ZNF136: variants seen among roughly 807,000 people sequenced by gnomAD.
The protein encoded by ZNF136 is zinc finger protein 136 (clone pHZ-20).
A neutral mutation model predicts 11.4 loss-of-function variants in ZNF136; 8 were observed. That is an observed-to-expected ratio of 0.70 (90% CI 0.41 to 1.27). The LOEUF is 1.27. Ranked by LOEUF, ZNF136 falls within the 50% of genes most tolerant of loss-of-function variation. ZNF136 has a pLI of 0.01. For synonymous variants in ZNF136, 190 were observed against 207.1 expected (o/e 0.92, Z 0.71); for missense variants, 590 against 656.5 (o/e 0.90, Z 1.11).
At chr19:12,178,359 C>T (rs1914850548) in intron 1 of ZNF136, among the ~76,000 whole-genome samples, 1 of 152,176 alleles carries the variant, frequency 6.6e-6, no homozygotes, top group South Asian at 2.1e-4. Flanking sequence ...TGTTTATGTA[C>T]TCTTTCTGCA....
At position 12,187,133 on chromosome 19, in the gene ZNF136, A is replaced by C; in HGVS notation, c.755A>C (p.Tyr252Ser). 6.2e-7 allele frequency: 1 copy of C among 1,614,188 alleles called. No homozygotes were observed. Among genetic ancestry groups the C allele is most frequent in the Non-Finnish European group, 8.5e-7 (1 of 1,180,026 alleles). The change falls in exon 4 of 4, where the codon TAT becomes TCT. Residue 252 changes from tyrosine (Y) to serine (S), a missense_variant. Tyr to Ser is a moderately radical substitution (Grantham distance 144). Transcript: ENST00000343979. ...HMIKHTGDGP[Y>S]KCKVCGKPFH... ...ATAAAGCACACTGGAGATGGACCTT[A>C]TAAATGTAAGGTATGTGGGAAACCC...
At chr19:12,172,659 G>A (rs1251398849) in intron 1 of ZNF136, among the ~76,000 whole-genome samples, 3 of 152,178 alleles carry the variant, frequency 2.0e-5, no homozygotes, top group East Asian at 1.9e-4. Flanking sequence ...TAGGCAATTA[G>A]GTGAGACTCG....
intron 1 of ZNF136, 104 bp from the exon 2 acceptor site, chr19:12,185,681 G>A (rs190180860): frequency 1.5e-5 from 22 of 1,448,484 alleles, no homozygotes; most frequent in Non-Finnish European, 2.8e-6. Flanking sequence ...TGGAGTAAAT[G>A]TTTGCAGACC....
At chr19:12,171,982 T>C (rs1000495542) in intron 1 of ZNF136, among the ~76,000 whole-genome samples, 17 of 149,846 alleles carry the variant, frequency 1.1e-4, no homozygotes, top group African/African-American at 2.4e-4. Context: ...CTCTCTCTTT[T>C]TTTTTTTTTT....
chr19:12,171,935 G>A (rs1914663833), intron 1 of ZNF136, among the ~76,000 whole-genome samples: 1 of 149,934 alleles, frequency 6.7e-6, no homozygotes. Flanking sequence ...ATGAAAGTTT[G>A]CTACTTTTTA....
intron 1 of ZNF136, among the ~76,000 whole-genome samples, chr19:12,184,087 G>T (rs1360941380): frequency 6.6e-6 from 1 of 151,058 alleles, no homozygotes; most frequent in East Asian, 2.0e-4. Context: ...CCAACATGGT[G>T]AAACCCCATC....
chr19:12,163,262 C>G, intron 1 of ZNF136, 56 bp downstream of exon 1: 1 of 1,351,414 alleles, frequency 7.4e-7, no homozygotes, highest in African/African-American at 1.5e-5. Context: ...GTTGGACGAC[C>G]GGAACTGGCT....
intron 1 of ZNF136, chr19:12,163,662 C>G (rs1356792705): frequency 5.9e-6 from 1 of 169,350 alleles, no homozygotes; most frequent in African/African-American, 2.4e-5. Context: ...TGCAGTAAAT[C>G]CCCAAATTTC....
At position 12,187,401 on chromosome 19, in the gene ZNF136, T is replaced by C; in HGVS notation, c.1023T>C (p.Cys341=). 6.2e-7 allele frequency: 1 copy of C among 1,614,042 alleles called. No homozygotes were observed. Among genetic ancestry groups the C allele is most frequent in the South Asian group, 1.1e-5 (1 of 91,082 alleles). ...TGEKPFVCKQ[C]GKAFRSASTF... Reference sequence around the variant, plus strand: ...AGAAACCCTTCGTATGTAAACAATGTGGTAAAGCCTTTAGATCTGCCAGTA... The same window carrying C: ...AGAAACCCTTCGTATGTAAACAATGCGGTAAAGCCTTTAGATCTGCCAGTA... The change falls in exon 4 of 4, where the codon TGT becomes TGC. Residue 341 remains cysteine (C), a synonymous_variant. Transcript: ENST00000343979.
chr19:12,183,706 C>T (rs957346152), intron 1 of ZNF136, among the ~76,000 whole-genome samples: 1 of 152,084 alleles, frequency 6.6e-6, no homozygotes, highest in Non-Finnish European at 1.5e-5. Context: ...TCAAGCAGTC[C>T]TCTCACCTCA....
chr19:12,178,440 T>G (rs1914852321), intron 1 of ZNF136, among the ~76,000 whole-genome samples: 1 of 152,210 alleles, frequency 6.6e-6, no homozygotes, highest in African/African-American at 2.4e-5. Context: ...TTGTGGGTCT[T>G]TCCTATTATT....
chr19:12,188,240 C>G lies in ZNF136; in HGVS notation c.*239C>G, dbSNP rs1000475834. On this transcript the variant is annotated 3_prime_UTR_variant, in exon 4 of 4. Coordinates refer to ENST00000343979, the MANE Select transcript of ZNF136 (RefSeq NM_003437.5). ...AAACAAATGCTTTTTGGAAAGGAACCCATATTTGAGAGAAACCCTGGGTAA... is the reference window on the plus strand; with the variant it reads ...AAACAAATGCTTTTTGGAAAGGAACGCATATTTGAGAGAAACCCTGGGTAA... The G allele has an allele frequency of 2.7e-6, 1 of 364,514 alleles. No homozygotes were observed. Among genetic ancestry groups the G allele is most frequent in the Non-Finnish European group, 4.9e-6 (1 of 204,828 alleles). The allele number at this position is 364,514 out of a possible 1,614,324, so 22.6% of individuals were successfully genotyped here. A position where few individuals can be genotyped will look rare whatever the true frequency, so the allele number is the denominator to read the frequency against.
At chr19:12,174,642 CTTT>C (rs760697645) in intron 1 of ZNF136, among the ~76,000 whole-genome samples, 1 of 147,336 alleles carries the variant, frequency 6.8e-6, no homozygotes. Context: ...TTCTTTCTTT[CTTT>C]TTTTTTTTGA....
At chr19:12,179,525 G>A (rs1914888438) in intron 1 of ZNF136, among the ~76,000 whole-genome samples, 1 of 152,030 alleles carries the variant, frequency 6.6e-6, no homozygotes, top group African/African-American at 2.4e-5. Flanking sequence ...TGGCCAGGGT[G>A]GTCTCGATCT....
intron 1 of ZNF136, among the ~76,000 whole-genome samples, chr19:12,180,173 G>A (rs1172466536): frequency 6.6e-6 from 1 of 152,134 alleles, no homozygotes; most frequent in African/African-American, 2.4e-5. Context: ...GCCAACTACT[G>A]ATAATTTTTA....
chr19:12,169,463 C>T (rs1184385444), intron 1 of ZNF136: 1 of 152,224 alleles, frequency 6.6e-6, no homozygotes. Context: ...GGAGAAGCCA[C>T]TCTGAGCTAC....
At chr19:12,170,144 G>A (rs1347509188) in intron 1 of ZNF136, among the ~76,000 whole-genome samples, 1 of 149,626 alleles carries the variant, frequency 6.7e-6, no homozygotes, top group Non-Finnish European at 1.5e-5. Flanking sequence ...TAGCCAGGGT[G>A]GTCTCAATCT....
Position 12,187,803 on chromosome 19 carries a change from C to G in ZNF136, c.1425C>G (p.Pro475=), listed in dbSNP as rs1204368792. 1 of 1,607,690 alleles carries G rather than the reference C, an allele frequency of 6.2e-7. No individual in the cohort carries two copies. The highest frequency in any genetic ancestry group is 8.5e-7 in the Non-Finnish European group (1 of 1,177,906). ...AAATGATTCACACTGGTGAGAAACC[C>G]TTTGAATGTAAGCGATGTGGTAAAG... ...THEMIHTGEK[P]FECKRCGKAF... is the part of the protein sequence containing the mutation. Residue 475 remains proline (P), a synonymous_variant, in exon 4 of 4, where the codon CCC becomes CCG. Transcript: ENST00000343979.
At chr19:12,177,594 G>A (rs796452355) in intron 1 of ZNF136, among the ~76,000 whole-genome samples, 1 of 152,162 alleles carries the variant, frequency 6.6e-6, no homozygotes, top group Admixed American at 6.5e-5. Flanking sequence ...TGATCCACCT[G>A]TCTTGGCCTC....
Sources: gnomAD v4.1 joint callset for allele counts (sites outside exome capture counted in the v4.1 genomes callset) on GRCh38, gnomAD v4.1.1 for gene constraint, MANE v1.5 for transcripts, NCBI Gene and HGNC (gene_info 2026-07-23, HGNC 2026-07-21) for gene names.